NRIP1: variants seen among roughly 807,000 people sequenced by gnomAD.
The protein encoded by NRIP1 is nuclear receptor-interacting protein 1.
NRIP1 carries 28 observed loss-of-function variants against 75.0 expected under a neutral mutation model. The ratio of observed to expected loss-of-function variants is 0.37; its 90% CI spans 0.28 to 0.51. The LOEUF (loss-of-function observed/expected upper bound fraction) is 0.51. Among genes scored for constraint, NRIP1 ranks in the 20% least tolerant of loss-of-function variants. The pLI is 0.92. For synonymous variants in NRIP1, 526 were observed against 487.6 expected (o/e 1.08, Z -1.04); for missense variants, 1,435 against 1,343.7 (o/e 1.07, Z -1.06).
At position 14,967,171 on chromosome 21, in the gene NRIP1, C is replaced by A. The variant is rs746207693; in HGVS notation, c.1022G>T (p.Ser341Ile). Residue 341 changes from serine (S) to isoleucine (I), a missense_variant, in exon 4 of 4, where the codon AGT becomes ATT. Transcript: ENST00000318948. ...TGGATTTTGAAACACTGTAGCACTA[C>A]TTTTGCTAGCCATCAGTTTGCTTGA... ...TSSSKLMASK[S>I]SATVFQNPMG... The A allele has an allele frequency of 1.9e-6, 3 of 1,614,004 alleles. No individual in the cohort carries two copies. The South Asian group carries it at 3.3e-5, about 18-fold the overall frequency.
chr21:15,020,911 T>G (rs1600880723), intron 2 of NRIP1, among the ~76,000 whole-genome samples: 1 of 150,900 alleles, frequency 6.6e-6, no homozygotes. Flanking sequence ...ACTCAAAGGT[T>G]GGGGAGGACA....
chr21:15,009,192 G>A (rs960244391), intron 3 of NRIP1, among the ~76,000 whole-genome samples: 1 of 152,110 alleles, frequency 6.6e-6, no homozygotes, highest in African/African-American at 2.4e-5. Context: ...AGACCAAGAC[G>A]AGGAAAGAAA....
At chr21:15,061,782 T>A (rs1290587072) in intron 1 of NRIP1, among the ~76,000 whole-genome samples, 1 of 152,204 alleles carries the variant, frequency 6.6e-6, no homozygotes, top group Non-Finnish European at 1.5e-5. Flanking sequence ...TTTAACCTCA[T>A]ATATCCTAAG....
At chr21:15,010,064 T>A (rs532537146) in intron 3 of NRIP1, among the ~76,000 whole-genome samples, 31 of 152,318 alleles carry the variant, frequency 2.0e-4, no homozygotes, top group African/African-American at 7.5e-4. Context: ...AACATTTTTT[T>A]AAATAAATAA....
At chr21:15,028,144 T>C (rs1259055514) in intron 2 of NRIP1, among the ~76,000 whole-genome samples, 1 of 152,244 alleles carries the variant, frequency 6.6e-6, no homozygotes, top group East Asian at 1.9e-4. Context: ...AGGTGCTTTT[T>C]TGGCATTTTA....
Position 14,966,016 on chromosome 21 carries a change from T to G in NRIP1, c.2177A>C (p.Glu726Ala). The G allele has an allele frequency of 1.2e-6, 2 of 1,611,590 alleles. No homozygotes were observed. The highest frequency in any genetic ancestry group is 2.7e-5 in the African/African-American group (2 of 74,700). ...TCTTAAGGGAGTTTTCTCTTTTTTT[T>G]CACTCTTCCCTTTGTTGGGGTTCCC... ...LLGNPNKGKSEKKEKTPLRDE... is the reference protein window; with the variant it reads ...LLGNPNKGKSAKKEKTPLRDE... The change falls in exon 4 of 4, where the codon GAA becomes GCA. Residue 726 changes from glutamate to alanine, a missense_variant. Coordinates refer to ENST00000318948, the MANE Select transcript of NRIP1 (RefSeq NM_003489.4).
At chr21:15,065,328 C>A (rs994361619), upstream of NRIP1, among the ~76,000 whole-genome samples, 2 of 151,860 alleles carry the variant, frequency 1.3e-5, no homozygotes, top group Non-Finnish European at 2.9e-5. Flanking sequence ...CTGCACGGCG[C>A]GCCCGGGCCG....
intron 2 of NRIP1, among the ~76,000 whole-genome samples, chr21:15,024,394 T>G (rs2088459769): frequency 6.6e-6 from 1 of 152,006 alleles, no homozygotes; most frequent in Non-Finnish European, 1.5e-5. Context: ...ATACAAAAAT[T>G]AGCTGGGTGT....
chr21:15,036,332 A>G (rs895099239), intron 2 of NRIP1, among the ~76,000 whole-genome samples: 6 of 152,190 alleles, frequency 3.9e-5, no homozygotes, highest in African/African-American at 1.4e-4. Context: ...AGTAAAGAAG[A>G]TTGAGAAACT....
chr21:14,965,597 A>C lies in NRIP1; in HGVS notation c.2596T>G (p.Leu866Val). 6.2e-7 allele frequency: 1 copy of C among 1,613,904 alleles called. No individual in the cohort carries two copies. The highest frequency in any genetic ancestry group is 8.5e-7 in the Non-Finnish European group (1 of 1,179,948). The change falls in exon 4 of 4, where the codon TTA becomes GTA. Residue 866 changes from leucine (L) to valine (V), a missense_variant. Coordinates refer to ENST00000318948, the MANE Select transcript of NRIP1 (RefSeq NM_003489.4). ...PKKRKLYTEP[L>V]ENPFKKMKNN... ...TTCATCTTTTTAAATGGATTTTCTA[A>C]TGGCTCAGTATAAAGCTTCCTTTTC...
chr21:15,047,921 G>C (rs907434477), intron 1 of NRIP1, among the ~76,000 whole-genome samples: 1 of 152,184 alleles, frequency 6.6e-6, no homozygotes, highest in South Asian at 2.1e-4. Flanking sequence ...TTTAAAGTAA[G>C]AGACCTACAA....
chr21:14,985,659 T>A (rs969934911), intron 3 of NRIP1, among the ~76,000 whole-genome samples: 1 of 152,232 alleles, frequency 6.6e-6, no homozygotes, highest in South Asian at 2.1e-4. Flanking sequence ...CACTTGTTTA[T>A]GAAGAACTGA....
At chr21:15,030,950 A>G (rs79120042) in intron 2 of NRIP1, among the ~76,000 whole-genome samples, 1,460 of 88,298 alleles carry the variant, frequency 0.017, 8 homozygotes, top group African/African-American at 0.033. Context: ...CACTCAGAGG[A>G]TCACCACATT....
At chr21:15,034,371 A>T (rs1490754340) in intron 2 of NRIP1, among the ~76,000 whole-genome samples, 1 of 152,226 alleles carries the variant, frequency 6.6e-6, no homozygotes, top group African/African-American at 2.4e-5. Context: ...CTTTATACTG[A>T]AAACTTTTTT....
intron 3 of NRIP1, among the ~76,000 whole-genome samples, chr21:15,013,827 A>G (rs2088165191): frequency 6.6e-6 from 1 of 152,202 alleles, no homozygotes; most frequent in South Asian, 2.1e-4. Flanking sequence ...TAATTCCAAA[A>G]GTAATCACTG....
At position 14,965,103 on chromosome 21, in the gene NRIP1, C is replaced by T. The variant is rs746367542; in HGVS notation, c.3090G>A (p.Leu1030=). The change falls in exon 4 of 4, where the codon TTG becomes TTA. Residue 1030 remains leucine, a synonymous_variant. Transcript: ENST00000318948. ...TCTCACTGGGCATGGAACACCCATTCAAAAGCCCAGATTCTGGTCTAGACC... is the reference window on the plus strand; with the variant it reads ...TCTCACTGGGCATGGAACACCCATTTAAAAGCCCAGATTCTGGTCTAGACC... ...CAGSRPESGL[L]NGCSMPSEKG... 2 of 1,613,326 alleles carry T rather than the reference C, an allele frequency of 1.2e-6. No homozygotes were observed. The highest frequency in any genetic ancestry group is 8.5e-7 in the Non-Finnish European group (1 of 1,179,896).
chr21:15,003,644 TCCA>T (rs1199868701), intron 3 of NRIP1, among the ~76,000 whole-genome samples: 1 of 152,112 alleles, frequency 6.6e-6, no homozygotes, highest in Non-Finnish European at 1.5e-5. Flanking sequence ...TCATCTATAA[TCCA>T]CCACCATTTG....
In NRIP1 at chr21:14,966,682, A is replaced by G. The variant is rs2086755939; in HGVS notation, c.1511T>C (p.Leu504Pro). ...SHQKVTLLQL[L>P]LGHKNEENVE... is the part of the protein sequence containing the mutation. Reference sequence around the variant, plus strand: ...ATTTTCTTCATTCTTATGGCCAAGTAGCAATTGAAGAAGTGTTACTTTCTG... The same window carrying G: ...ATTTTCTTCATTCTTATGGCCAAGTGGCAATTGAAGAAGTGTTACTTTCTG... The change falls in exon 4 of 4, where the codon CTA (leucine) becomes CCA (proline). Residue 504 changes from leucine to proline, a missense_variant. Leu to Pro is a moderately conservative substitution (Grantham distance 98, BLOSUM62 -3). Coordinates refer to ENST00000318948, the MANE Select transcript of NRIP1 (RefSeq NM_003489.4). 1 of 1,613,972 alleles carries G rather than the reference A, an allele frequency of 6.2e-7. No homozygotes were observed.
At chr21:15,027,805 C>T (rs2088556739) in intron 2 of NRIP1, among the ~76,000 whole-genome samples, 1 of 152,114 alleles carries the variant, frequency 6.6e-6, no homozygotes, top group Non-Finnish European at 1.5e-5. Context: ...TTTCTCTCTA[C>T]TTGGTCACAC....
Sources: gnomAD v4.1 joint callset for allele counts (sites outside exome capture counted in the v4.1 genomes callset) on GRCh38, gnomAD v4.1.1 for gene constraint, MANE v1.5 for transcripts, NCBI Gene and HGNC (gene_info 2026-07-23, HGNC 2026-07-21) for gene names.